The following CACHD1 variants were observed in gnomAD, a reference collection of about 807,000 sequenced individuals.
The protein encoded by CACHD1 is cache domain containing 1.
A neutral mutation model predicts 138.7 loss-of-function variants in CACHD1; 71 were observed. The observed-to-expected ratio is 0.51, with a 90% confidence interval of 0.42 to 0.62. CACHD1 has a LOEUF of 0.62. Among genes scored for constraint, CACHD1 ranks in the 20% least tolerant of loss-of-function variants. The probability of loss-of-function intolerance (pLI) is 0.00; values close to 1 mark genes in which losing one functional copy is unlikely to be tolerated. For missense variants in CACHD1, 1,389 were observed against 1,625.3 expected (o/e 0.85, Z 2.50); for synonymous variants, 578 against 591.5 (o/e 0.98, Z 0.33).
chr1:64,683,186 A>G (rs932815170), intron 26 of CACHD1, among the ~76,000 whole-genome samples: 5 of 152,212 alleles, frequency 3.3e-5, no homozygotes, highest in African/African-American at 7.2e-5. Context: ...TGTTTTATAA[A>G]TTGGAGACTG....
chr1:64,495,267 A>C (rs1646299497), intron 1 of CACHD1, among the ~76,000 whole-genome samples: 1 of 152,174 alleles, frequency 6.6e-6, no homozygotes, highest in Admixed American at 6.5e-5. Context: ...TATTGTCATC[A>C]TTATTAGAGG....
At chr1:64,514,225 G>T (rs1257501060) in intron 1 of CACHD1, among the ~76,000 whole-genome samples, 1 of 152,168 alleles carries the variant, frequency 6.6e-6, no homozygotes, top group Non-Finnish European at 1.5e-5. Flanking sequence ...AGGGTCTTCA[G>T]CTAAAAGTGA....
chr1:64,607,244 T>C (rs958566381), intron 4 of CACHD1, among the ~76,000 whole-genome samples: 1 of 152,008 alleles, frequency 6.6e-6, no homozygotes, highest in East Asian at 1.9e-4. Flanking sequence ...GTCAGGCAGG[T>C]AGAAAGAGGA....
intron 26 of CACHD1, among the ~76,000 whole-genome samples, chr1:64,684,363 C>CTTTTTTTTTTTTTT (rs397980387): frequency 1.1e-4 from 6 of 54,956 alleles, no homozygotes; most frequent in African/African-American, 2.3e-4. Flanking sequence ...TCTTCTTCTT[C>CTTTTTTTTTTTTTT]TTTTTTTTTT....
At chr1:64,655,095 A>G (rs1649221021) in intron 12 of CACHD1, among the ~76,000 whole-genome samples, 1 of 152,174 alleles carries the variant, frequency 6.6e-6, no homozygotes, top group Admixed American at 6.5e-5. Context: ...ACAAAATCCC[A>G]TCTCTATAAA....
At chr1:64,546,378 A>G (rs1168820548) in intron 1 of CACHD1, among the ~76,000 whole-genome samples, 2 of 150,968 alleles carry the variant, frequency 1.3e-5, no homozygotes, top group Non-Finnish European at 2.9e-5. Flanking sequence ...TCTGTTAGCC[A>G]GGCTGGAGTG....
At chr1:64,616,319 G>A (rs1049621311) in intron 4 of CACHD1, among the ~76,000 whole-genome samples, 22 of 152,138 alleles carry the variant, frequency 1.4e-4, no homozygotes, top group Admixed American at 5.9e-4. Context: ...GGTGGTTACC[G>A]TGCCAGACAC....
intron 1 of CACHD1, among the ~76,000 whole-genome samples, chr1:64,492,630 G>A (rs1290518980): frequency 6.6e-6 from 1 of 151,866 alleles, no homozygotes; most frequent in African/African-American, 2.4e-5. Context: ...GCCCAGCAGC[G>A]CTGTGCGGTT....
chr1:64,618,778 G>C (rs1473516851), intron 4 of CACHD1, among the ~76,000 whole-genome samples: 2 of 152,138 alleles, frequency 1.3e-5, no homozygotes, highest in Non-Finnish European at 2.9e-5. Context: ...GTTTTGTTCT[G>C]TTGAGGAAGT....
intron 8 of CACHD1, among the ~76,000 whole-genome samples, chr1:64,643,496 A>G (rs1156551240): frequency 1.3e-5 from 2 of 152,208 alleles, no homozygotes; most frequent in African/African-American, 2.4e-5. Flanking sequence ...ATAAATAAGC[A>G]ATATATGATT....
At chr1:64,525,420 A>G (rs1482085514) in intron 1 of CACHD1, among the ~76,000 whole-genome samples, 1 of 152,210 alleles carries the variant, frequency 6.6e-6, no homozygotes, top group Non-Finnish European at 1.5e-5. Context: ...CCCCGGTAAG[A>G]TGAGCAGTTC....
rs572524559 is a variant in CACHD1, at chr1:64,628,624, G to T, written c.518-731G>T. Among the ~76,000 whole-genome samples, 89 of 151,672 alleles carry T rather than the reference G, an allele frequency of 5.9e-4. 1 individual carries two copies. In the South Asian group the frequency reaches 0.015, roughly 26 times the overall value. On this transcript the variant is annotated intron_variant, in intron 4 of 26. Transcript: ENST00000651257. The stretch of plus-strand genomic sequence containing the variant: ...GATGCTGTGTAGATGAAGGGAGGCA[G>T]TATAGCATGATGTAAGGAACACAGG...
intron 7 of CACHD1, among the ~76,000 whole-genome samples, chr1:64,634,995 CAAAAA>C (rs71056059): frequency 1.6e-5 from 1 of 63,876 alleles, no homozygotes; most frequent in African/African-American, 6.9e-5. Context: ...GACTCTGTCT[CAAAAA>C]AAAAAAAAAA....
At chr1:64,550,510 G>C (rs1646750581) in intron 1 of CACHD1, 84 bp from the exon 2 acceptor site, 5 of 973,514 alleles carry the variant, frequency 5.1e-6, no homozygotes, top group African/African-American at 1.6e-5. Flanking sequence ...GATTCTATTT[G>C]TTGTAAACAA....
intron 1 of CACHD1, among the ~76,000 whole-genome samples, chr1:64,529,744 G>A (rs1444909402): frequency 2.0e-5 from 3 of 152,142 alleles, no homozygotes; most frequent in South Asian, 4.1e-4. Flanking sequence ...TTTGGTCCTT[G>A]TATCCATATT....
intron 8 of CACHD1, among the ~76,000 whole-genome samples, chr1:64,645,990 G>T (rs1376192041): frequency 1.3e-5 from 2 of 152,108 alleles, no homozygotes; most frequent in African/African-American, 4.8e-5. Flanking sequence ...AGGCAACCCA[G>T]CGTACTTACC....
intron 4 of CACHD1, among the ~76,000 whole-genome samples, chr1:64,612,409 T>C (rs570919391): frequency 6.6e-6 from 1 of 152,346 alleles, no homozygotes; most frequent in Non-Finnish European, 1.5e-5. Flanking sequence ...CTTCACTGTA[T>C]AGGTGCTTAT....
chr1:64,633,029 AT>A (rs762872942), intron 6 of CACHD1, among the ~76,000 whole-genome samples: 3 of 152,220 alleles, frequency 2.0e-5, no homozygotes, highest in Admixed American at 6.5e-5. Context: ...ATCTCGTAGA[AT>A]TTATTGAATA....
At chr1:64,635,982 A>G (rs1648512219) in intron 7 of CACHD1, among the ~76,000 whole-genome samples, 1 of 151,858 alleles carries the variant, frequency 6.6e-6, no homozygotes, top group South Asian at 2.1e-4. Flanking sequence ...ATGGTGGCAC[A>G]CGCCTGTAAT....
Sources: gnomAD v4.1 joint callset for allele counts (sites outside exome capture counted in the v4.1 genomes callset) on GRCh38, gnomAD v4.1.1 for gene constraint, MANE v1.5 for transcripts, NCBI Gene and HGNC (gene_info 2026-07-23, HGNC 2026-07-21) for gene names.